The following BRWD1 variants were observed in gnomAD, a reference collection of about 807,000 sequenced individuals.
BRWD1 encodes bromodomain and WD repeat-containing protein 1.
In BRWD1, 82 loss-of-function variants were observed where a neutral mutation model predicts 251.2. That is an observed-to-expected ratio of 0.33 (90% CI 0.27 to 0.39). The LOEUF (loss-of-function observed/expected upper bound fraction) is 0.39, where lower values mean the gene tolerates loss of function less well. Ranked by LOEUF, BRWD1 falls within the 10% of genes least tolerant of loss-of-function variation. The pLI is 1.00. For synonymous variants in BRWD1, 918 were observed against 902.8 expected (o/e 1.02, Z -0.30); for missense variants, 2,233 against 2,711.6 (o/e 0.82, Z 3.92).
intron 29 of BRWD1, 91 bp downstream of exon 29, chr21:39,224,317 C>A: frequency 3.0e-6 from 2 of 670,842 alleles, no homozygotes; most frequent in South Asian, 2.7e-5. Context: ...ATATATTGAT[C>A]ATAGAATACA....
chr21:39,293,837 G>A lies in BRWD1; in HGVS notation c.805C>T (p.His269Tyr). Residue 269 changes from histidine to tyrosine, a missense_variant, in exon 8 of 41, where the codon CAC (histidine) becomes TAC (tyrosine). Physicochemically the swap from His to Tyr is moderately conservative, Grantham distance 83. Around this residue, in one of 12 missense-constraint regions of BRWD1, gnomAD observed 185 missense variants for 260.6 expected, o/e 0.71. Transcript: ENST00000342449. ...TCAPVAVLQGHTGSITSLQFS... is the reference protein window; with the variant it reads ...TCAPVAVLQGYTGSITSLQFS... Reference sequence around the variant, plus strand: ...TGTAAAGATGTAATTGATCCTGTGTGTCCTTGGAGCACAGCAACTGGGGCA... The same window carrying A: ...TGTAAAGATGTAATTGATCCTGTGTATCCTTGGAGCACAGCAACTGGGGCA... 1 of 1,614,128 alleles carries A rather than the reference G, an allele frequency of 6.2e-7. No individual in the cohort carries two copies. The highest frequency in any genetic ancestry group is 8.5e-7 in the Non-Finnish European group (1 of 1,180,002).
At chr21:39,302,789 G>C (rs1287125283) in intron 4 of BRWD1, among the ~76,000 whole-genome samples, 1 of 150,930 alleles carries the variant, frequency 6.6e-6, no homozygotes, top group African/African-American at 2.4e-5. Context: ...GCCAGGCATG[G>C]TGGCTCATGC....
At chr21:39,240,118 A>T (rs2033939304) in intron 21 of BRWD1, among the ~76,000 whole-genome samples, 1 of 152,212 alleles carries the variant, frequency 6.6e-6, no homozygotes. Flanking sequence ...ATGTAAATGC[A>T]TATTAATAAA....
At chr21:39,212,576 T>A (rs942976423) in intron 34 of BRWD1, 90 bp downstream of exon 34, 2 of 1,060,518 alleles carry the variant, frequency 1.9e-6, no homozygotes, top group South Asian at 2.8e-5. Context: ...TACACTGATA[T>A]AACTTTTCAA....
At chr21:39,241,328 T>TGTGGTG (rs1444298242) in intron 21 of BRWD1, among the ~76,000 whole-genome samples, 1 of 149,106 alleles carries the variant, frequency 6.7e-6, no homozygotes, top group Non-Finnish European at 1.5e-5. Context: ...ATTAGCCGGG[T>TGTGGTG]GTGGTGATGC....
chr21:39,270,065 G>A (rs767541987), intron 14 of BRWD1, 32 bp from the exon 15 acceptor site: 5 of 1,493,466 alleles, frequency 3.3e-6, no homozygotes, highest in Admixed American at 4.7e-5. Flanking sequence ...CATTAAGGAG[G>A]GTTTACAAGT....
At chr21:39,315,306 A>G (rs1413814599), upstream of BRWD1, among the ~76,000 whole-genome samples, 1 of 151,872 alleles carries the variant, frequency 6.6e-6, no homozygotes, top group East Asian at 1.9e-4. Context: ...CGCCTGGCCA[A>G]AAGCTTTTAT....
At chr21:39,309,289 A>G (rs1275402021) in intron 4 of BRWD1, among the ~76,000 whole-genome samples, 11 of 21,830 alleles carry the variant, frequency 5.0e-4, no homozygotes, top group East Asian at 1.1e-3. Context: ...TCTCTAGGGG[A>G]AAAAAAAAAA....
At chr21:39,197,502 T>G in intron 40 of BRWD1, 87 bp from the exon 41 acceptor site, 2 of 1,146,766 alleles carry the variant, frequency 1.7e-6, no homozygotes, top group East Asian at 4.8e-5. Context: ...TCAGAATTCG[T>G]ATTAATTTGA....
intron 27 of BRWD1, among the ~76,000 whole-genome samples, chr21:39,226,259 A>G (rs185254070): frequency 6.6e-6 from 1 of 152,298 alleles, no homozygotes; most frequent in Admixed American, 6.5e-5. Flanking sequence ...GGCTTTTCAA[A>G]TAAACCTACT....
upstream of BRWD1, chr21:39,317,078 T>C (rs2036706410): frequency 6.6e-6 from 1 of 152,218 alleles, no homozygotes; most frequent in African/African-American, 2.4e-5. Flanking sequence ...GAGAATATCT[T>C]CCCGATTCGA....
At chr21:39,291,918 T>C (rs1224214782) in intron 8 of BRWD1, among the ~76,000 whole-genome samples, 1 of 152,198 alleles carries the variant, frequency 6.6e-6, no homozygotes, top group Admixed American at 6.5e-5. Context: ...ACTGTCTCAC[T>C]TATTCCCAAT....
At chr21:39,208,485 C>T (rs879707569) in intron 36 of BRWD1, among the ~76,000 whole-genome samples, 6 of 152,174 alleles carry the variant, frequency 3.9e-5, no homozygotes, top group South Asian at 2.1e-4. Flanking sequence ...TTAAATGTCA[C>T]TGATTGTAGA....
intron 21 of BRWD1, among the ~76,000 whole-genome samples, chr21:39,240,078 A>C (rs552427079): frequency 8.1e-4 from 124 of 152,292 alleles, no homozygotes; most frequent in African/African-American, 2.9e-3. Context: ...AACAAACAAA[A>C]AAATCAAGCC....
rs897729175 is a variant in BRWD1, at chr21:39,250,905, C to T, written c.2256-16G>A. ...TTCCAGCTTCCTACAAATTTAAATA[C>T]CCAGTTATATTAACTACTGAACTGA... On this transcript the variant is annotated splice_polypyrimidine_tract_variant and intron_variant, in intron 19 of 40. Coordinates refer to ENST00000342449, the MANE Select transcript of BRWD1 (RefSeq NM_033656.4). 5.0e-5 allele frequency: 75 copies of T among 1,505,204 alleles called. No homozygotes were observed. Among genetic ancestry groups the T allele is most frequent in the Non-Finnish European group, 6.3e-5 (69 of 1,095,794 alleles). 93.2% of individuals were successfully genotyped at this position (1,505,204 alleles called of 1,614,324 possible). A position where few individuals can be genotyped will look rare whatever the true frequency, so the allele number is the denominator to read the frequency against.
intron 29 of BRWD1, among the ~76,000 whole-genome samples, chr21:39,222,550 A>G (rs2033219429): frequency 6.6e-6 from 1 of 152,248 alleles, no homozygotes; most frequent in South Asian, 2.1e-4. Context: ...AGGGGTTCCC[A>G]GTGGCCAAAT....
rs551324661 is a variant in BRWD1 at position 39,270,212 on chromosome 21, T to A, written c.1395+71A>T. On this transcript the variant is annotated intron_variant, in intron 14 of 40. Coordinates refer to ENST00000342449, the MANE Select transcript of BRWD1 (RefSeq NM_033656.4). Reference sequence around the variant, plus strand: ...AGAAACAACTTGTTCAATATATTATTTTTATAGCTTCAAAATTACAATCAT... The same window carrying A: ...AGAAACAACTTGTTCAATATATTATATTTATAGCTTCAAAATTACAATCAT... 4,145 of 1,395,270 alleles carry A rather than the reference T, an allele frequency of 3.0e-3. 10 individuals are homozygous for A. Among genetic ancestry groups the A allele is most frequent in the Non-Finnish European group, 3.6e-3 (3,780 of 1,045,586 alleles). 86.4% of individuals were successfully genotyped at this position (1,395,270 alleles called of 1,614,324 possible).
At chr21:39,220,271 G>A (rs2033123448) in intron 29 of BRWD1, among the ~76,000 whole-genome samples, 1 of 152,144 alleles carries the variant, frequency 6.6e-6, no homozygotes, top group South Asian at 2.1e-4. Flanking sequence ...CCAAATGAAA[G>A]TTCTGTGATA....
At chr21:39,313,204 A>ACGCCAAGTCCGCAGC (rs2036572967) in intron 2 of BRWD1, 37 bp downstream of exon 2, 1 of 1,519,162 alleles carries the variant, frequency 6.6e-7, no homozygotes, top group Non-Finnish European at 8.9e-7. Flanking sequence ...GACACTGGGG[A>ACGCCAAGTCCGCAGC]CGCCAAGTCC....
Sources: allele counts gnomAD v4.1 joint callset (sites outside exome capture counted in the v4.1 genomes callset), GRCh38; gene constraint gnomAD v4.1.1; regional missense constraint gnomAD v4.1.1; transcripts MANE v1.5; gene names NCBI Gene and HGNC (gene_info 2026-07-23, HGNC 2026-07-21).